MAEA: variants seen among roughly 807,000 people sequenced by gnomAD.
MAEA encodes macrophage erythroblast attacher, E3 ubiquitin ligase, also known as E3 ubiquitin-protein transferase MAEA.
Under a neutral mutation model 46.2 loss-of-function variants are expected in MAEA, and 22 were observed. The ratio of observed to expected loss-of-function variants is 0.48; its 90% confidence interval spans 0.34 to 0.68. The LOEUF (loss-of-function observed/expected upper bound fraction) is 0.68, where lower values mean the gene tolerates loss of function less well. Ranked by LOEUF, MAEA falls within the 30% of genes least tolerant of loss-of-function variation. MAEA has a pLI of 0.01. For synonymous variants in MAEA, 246 were observed against 222.6 expected (o/e 1.11, Z -0.94); for missense variants, 393 against 558.1 (o/e 0.70, Z 2.98).
At chr4:1,334,729 A>G in intron 6 of MAEA, 4 of 306,218 alleles carry the variant, frequency 1.3e-5, no homozygotes, top group Non-Finnish European at 1.9e-5. Flanking sequence ...CCCCGTTGCC[A>G]TGGGTCAGGC....
At chr4:1,320,630 CAGAAA>C (rs1401903365) in intron 3 of MAEA, among the ~76,000 whole-genome samples, 1 of 148,590 alleles carries the variant, frequency 6.7e-6, no homozygotes, top group African/African-American at 2.6e-5. Context: ...GGAGGGGCAT[CAGAAA>C]AGAAATAATC....
intron 4 of MAEA, among the ~76,000 whole-genome samples, chr4:1,325,966 G>C (rs1434424623): frequency 6.6e-6 from 1 of 152,190 alleles, no homozygotes; most frequent in Non-Finnish European, 1.5e-5. Context: ...TAGGGACACA[G>C]GGTGATGAGG....
chr4:1,328,869 C>T (rs1739179910), intron 5 of MAEA: 1 of 1,034,524 alleles, frequency 9.7e-7, no homozygotes, highest in Admixed American at 5.1e-5. Context: ...AACGAGGTCC[C>T]TTCTGTGCCT....
intron 1 of MAEA, among the ~76,000 whole-genome samples, chr4:1,301,272 C>T (rs1261318717): frequency 3.9e-5 from 6 of 152,228 alleles, no homozygotes; most frequent in Non-Finnish European, 7.3e-5. Context: ...GTGGGGGCAG[C>T]GGGCGGGCAG....
chr4:1,304,631 CG>C (rs1213774109), intron 1 of MAEA, among the ~76,000 whole-genome samples: 1 of 151,826 alleles, frequency 6.6e-6, no homozygotes, highest in Non-Finnish European at 1.5e-5. Context: ...TTAGTACAGA[CG>C]GGGGCATCGT....
At chr4:1,332,525 G>A (rs923773125) in intron 5 of MAEA, 4 of 389,970 alleles carry the variant, frequency 1.0e-5, no homozygotes, top group Admixed American at 8.7e-5. Flanking sequence ...GACCAGCCTG[G>A]GCAACACAGC....
chr4:1,290,027 C>T (rs778887890), intron 1 of MAEA, 45 bp downstream of exon 1: 3 of 1,478,074 alleles, frequency 2.0e-6, no homozygotes, highest in Non-Finnish European at 1.8e-6. Flanking sequence ...AAGGCGTCTC[C>T]AGCCAGTGCC....
chr4:1,338,512 G>A lies in MAEA; in HGVS notation c.990G>A (p.Met330Ile), dbSNP rs1200931864. Residue 330 changes from methionine (M) to isoleucine (I), a missense_variant, in exon 8 of 9, where the codon ATG (methionine) becomes ATA (isoleucine). Coordinates refer to ENST00000303400, the MANE Select transcript of MAEA (RefSeq NM_001017405.3). ...ACAAGCTGGCGCAGCCCCTGCCCAT[G>A]GCCCACTGTGCCAACTCCCGCCTGG... is the stretch of plus-strand genomic sequence containing the variant. ...SLNKLAQPLP[M>I]AHCANSRLVC... 6.2e-7 allele frequency: 1 copy of A among 1,613,214 alleles called. No individual in the cohort carries two copies. The highest frequency in any genetic ancestry group is 2.2e-5 in the East Asian group (1 of 44,900).
chr4:1,323,644 C>A, intron 4 of MAEA: 1 of 701,930 alleles, frequency 1.4e-6, no homozygotes, highest in Admixed American at 2.0e-5. Context: ...CAGTGCCAGC[C>A]CCACACTCCC....
Position 1,312,178 on chromosome 4 carries a change from G to T in MAEA, c.252+17G>T, listed in dbSNP as rs149537490. ...AAGAGGAAGGTTGGTCCCGCCTGGC[G>T]GTCCCTCTTCAGTCTGGGGCATGGA... On this transcript the variant is annotated intron_variant, in intron 2 of 8. Coordinates refer to ENST00000303400, the MANE Select transcript of MAEA (RefSeq NM_001017405.3). 8 of 1,613,514 alleles carry T rather than the reference G, an allele frequency of 5.0e-6. No homozygotes were observed. The highest frequency in any genetic ancestry group is 6.8e-6 in the Non-Finnish European group (8 of 1,179,864).
At position 1,296,590 on chromosome 4, in the gene MAEA, C is replaced by G. The variant is rs187996647; in HGVS notation, c.69+6608C>G. Among the ~76,000 whole-genome samples the G allele has an allele frequency of 2.9e-3, 433 of 151,808 alleles. 2 individuals are homozygous for G. Among genetic ancestry groups the G allele is most frequent in the African/African-American group, 0.01 (416 of 41,268 alleles). ...GTCGGTTTTCCCATTGGCTGTGCAG[C>G]TCCCTGGTGTGCACGTGGCTCTGAG... is the stretch of plus-strand genomic sequence containing the variant. On this transcript the variant is annotated intron_variant, in intron 1 of 8. Transcript: ENST00000303400.
chr4:1,300,808 T>A (rs1006419803), intron 1 of MAEA, among the ~76,000 whole-genome samples: 11 of 152,240 alleles, frequency 7.2e-5, no homozygotes, highest in African/African-American at 2.2e-4. Context: ...ATCAATCTGG[T>A]TACATCCCCT....
intron 1 of MAEA, among the ~76,000 whole-genome samples, chr4:1,291,905 C>T (rs117527417): frequency 6.6e-6 from 1 of 152,352 alleles, no homozygotes; most frequent in East Asian, 1.9e-4. Context: ...ACTTGTGTCA[C>T]TACTGAGTTA....
At chr4:1,329,333 C>A in intron 5 of MAEA, 2 of 985,636 alleles carry the variant, frequency 2.0e-6, no homozygotes, top group Non-Finnish European at 2.4e-6. Flanking sequence ...GGTCTCTTTG[C>A]CTTGTTCCCC....
intron 7 of MAEA, chr4:1,337,927 C>T (rs1457228110): frequency 1.7e-5 from 3 of 172,454 alleles, no homozygotes; most frequent in Non-Finnish European, 2.5e-5. Context: ...TTTCATGTGA[C>T]CTGCCTCAGG....
chr4:1,307,711 A>T (rs1735970295), intron 1 of MAEA, among the ~76,000 whole-genome samples: 2 of 152,238 alleles, frequency 1.3e-5, no homozygotes, highest in South Asian at 4.1e-4. Flanking sequence ...CCCTGGGGGG[A>T]TGCTGGTGTA....
intron 1 of MAEA, among the ~76,000 whole-genome samples, chr4:1,307,171 C>T (rs1209324572): frequency 6.6e-6 from 1 of 152,120 alleles, no homozygotes; most frequent in Non-Finnish European, 1.5e-5. Flanking sequence ...ATACAATTTG[C>T]CATCAACCAT....
intron 2 of MAEA, among the ~76,000 whole-genome samples, chr4:1,313,483 T>A (rs1049532428): frequency 6.6e-5 from 10 of 152,040 alleles, no homozygotes; most frequent in Non-Finnish European, 1.5e-4. Flanking sequence ...GAAAGCACTG[T>A]GGAAAGCTGA....
intron 1 of MAEA, among the ~76,000 whole-genome samples, chr4:1,304,692 G>T (rs780870847): frequency 7.2e-5 from 11 of 152,074 alleles, no homozygotes; most frequent in Admixed American, 2.6e-4. Flanking sequence ...ACCCACCTCG[G>T]CCTCCCAAAG....
Sources: gnomAD v4.1 joint callset for allele counts (sites outside exome capture counted in the v4.1 genomes callset) on GRCh38, gnomAD v4.1.1 for gene constraint, MANE v1.5 for transcripts, NCBI Gene and HGNC (gene_info 2026-07-23, HGNC 2026-07-21) for gene names.